BCCIP: variants seen among roughly 807,000 people sequenced by gnomAD.
BCCIP encodes the protein BRCA2 and CDKN1A interacting protein, also known as BRCA2 and CDKN1A-interacting protein.
Under a neutral mutation model 32.8 loss-of-function variants are expected in BCCIP, and 23 were observed. The ratio of observed to expected loss-of-function variants is 0.70; its 90% CI spans 0.51 to 0.99. The LOEUF (loss-of-function observed/expected upper bound fraction) is 0.99, where lower values mean the gene tolerates loss of function less well. Ranked by LOEUF, BCCIP falls within the 50% of genes least tolerant of loss-of-function variation. The pLI, the probability that BCCIP is intolerant of heterozygous loss-of-function variation, is 0.00. For missense variants in BCCIP, 378 were observed against 379.8 expected (o/e 1.00, Z 0.04); for synonymous variants, 144 against 137.6 (o/e 1.05, Z -0.33).
At chr10:125,845,468 T>C (rs1290568861), downstream of BCCIP, among the ~76,000 whole-genome samples, 1 of 152,220 alleles carries the variant, frequency 6.6e-6, no homozygotes. Flanking sequence ...CCTGGGAATA[T>C]GCATAGGAGA....
chr10:125,836,328 CAG>C lies in BCCIP; in HGVS notation c.*55_*56del. ...GTTTTTGTAAAATTACCAGAAAACT[CAG>C]TGGAGATTTACTGAAAAACTCAGAC... is the stretch of plus-strand genomic sequence containing the variant. On this transcript the variant is annotated 3_prime_UTR_variant, in exon 7 of 7. Transcript: ENST00000278100. The C allele has an allele frequency of 6.2e-7, 1 of 1,611,556 alleles. No homozygotes were observed. Among genetic ancestry groups the C allele is most frequent in the South Asian group, 1.1e-5 (1 of 90,680 alleles).
At chr10:125,838,194 C>T (rs574162506), downstream of BCCIP, 33 of 1,568,322 alleles carry the variant, frequency 2.1e-5, no homozygotes, top group South Asian at 3.4e-4. Context: ...CTTTCTTCTC[C>T]ATTAAACTTA....
In BCCIP at chr10:125,836,419, A is replaced by G; in HGVS notation, c.*145A>G. On this transcript the variant is annotated 3_prime_UTR_variant, in exon 7 of 7. Transcript: ENST00000278100. ...TGTCCCATGTGTCTCTGACACATTT[A>G]CAAAATACCAGTTTTTTAAAATTTT... 2 of 1,457,310 alleles carry G rather than the reference A, an allele frequency of 1.4e-6. No individual in the cohort carries two copies. Among genetic ancestry groups the G allele is most frequent in the Non-Finnish European group, 9.0e-7 (1 of 1,110,472 alleles). The allele number at this position is 1,457,310 out of a possible 1,614,324, so 90.3% of individuals were successfully genotyped here.
At chr10:125,850,302 T>C (rs1265206746) in intron 7 of BCCIP, among the ~76,000 whole-genome samples, 4 of 151,092 alleles carry the variant, frequency 2.6e-5, no homozygotes, top group Non-Finnish European at 4.4e-5. Flanking sequence ...ATTCCTCTTT[T>C]CACCAGAGCC....
chr10:125,843,314 A>T (rs1374654761), downstream of BCCIP, among the ~76,000 whole-genome samples: 1 of 152,190 alleles, frequency 6.6e-6, no homozygotes, highest in Non-Finnish European at 1.5e-5. Flanking sequence ...AACTTTGATC[A>T]TTAAGCTCTA....
intron 6 of BCCIP, among the ~76,000 whole-genome samples, chr10:125,835,787 A>C (rs1043880230): frequency 2.6e-5 from 4 of 152,216 alleles, no homozygotes; most frequent in African/African-American, 9.7e-5. Flanking sequence ...ATCAAATTTT[A>C]CAAGTCTTAA....
chr10:125,827,967 G>GAAAAAAAAAAAAAAAAAAAAAAAAAAAA (rs11296499), intron 3 of BCCIP, among the ~76,000 whole-genome samples: 1 of 62,306 alleles, frequency 1.6e-5, no homozygotes. Flanking sequence ...CCCTATATCT[G>GAAAAAAAAAAAAAAAAAAAAAAAAAAAA]AAAAAAAAAA....
exon 7 of BCCIP, chr10:125,842,687 A>C (rs974291584): frequency 2.8e-5 from 9 of 318,436 alleles, no homozygotes; most frequent in African/African-American, 1.8e-4. Flanking sequence ...GAAAAGCAGG[A>C]AAATACATTG....
At chr10:125,836,762 A>G (rs760722649), downstream of BCCIP, 12 of 1,613,734 alleles carry the variant, frequency 7.4e-6, no homozygotes, top group Admixed American at 3.3e-5. Flanking sequence ...TTGTTGACAC[A>G]GGGGATAGGT....
At chr10:125,837,202 G>C (rs1430564146), downstream of BCCIP, among the ~76,000 whole-genome samples, 1 of 152,184 alleles carries the variant, frequency 6.6e-6, no homozygotes, top group Non-Finnish European at 1.5e-5. Context: ...GTAGGGGAGA[G>C]AGGGGGTATC....
downstream of BCCIP, among the ~76,000 whole-genome samples, chr10:125,840,000 A>G (rs1202244131): frequency 1.3e-5 from 2 of 152,174 alleles, no homozygotes; most frequent in Non-Finnish European, 2.9e-5. Context: ...TTGAAACACT[A>G]ACTCCCTGTT....
chr10:125,844,154 G>C (rs1854950935), downstream of BCCIP, among the ~76,000 whole-genome samples: 2 of 152,186 alleles, frequency 1.3e-5, no homozygotes, highest in South Asian at 4.1e-4. Context: ...AAGTTCAAGA[G>C]TTCTATCAGT....
At chr10:125,836,999 G>A (rs1854711940), downstream of BCCIP, 2 of 685,898 alleles carry the variant, frequency 2.9e-6, no homozygotes, top group South Asian at 2.0e-5. Flanking sequence ...ATCTCAGTCC[G>A]ACTTTGTAAA....
downstream of BCCIP, among the ~76,000 whole-genome samples, chr10:125,843,727 C>G (rs1312059009): frequency 6.6e-6 from 1 of 152,214 alleles, no homozygotes; most frequent in Non-Finnish European, 1.5e-5. Context: ...CTCAGGGAAG[C>G]TGCGATGCAG....
intron 7 of BCCIP, chr10:125,852,180 C>T (rs1944099119): frequency 7.5e-7 from 1 of 1,338,560 alleles, no homozygotes; most frequent in African/African-American, 1.5e-5. Context: ...CAAACCAACG[C>T]CCCCTCCATG....
chr10:125,835,440 A>G (rs1008571028), intron 6 of BCCIP, among the ~76,000 whole-genome samples: 1 of 151,588 alleles, frequency 6.6e-6, no homozygotes, highest in Non-Finnish European at 1.5e-5. Context: ...TTAGCCAGGC[A>G]CAATGGTGGG....
At chr10:125,826,443 GT>G (rs1270044465) in intron 1 of BCCIP, 147 bp from the exon 2 acceptor site, 1 of 1,277,760 alleles carries the variant, frequency 7.8e-7, no homozygotes, top group African/African-American at 1.5e-5. Flanking sequence ...TGAGTGTTTT[GT>G]TTTCTCAGGC....
chr10:125,823,969 A>C (rs1447880989), intron 1 of BCCIP, among the ~76,000 whole-genome samples: 1 of 152,178 alleles, frequency 6.6e-6, no homozygotes, highest in Non-Finnish European at 1.5e-5. Context: ...AGCCCGCCAC[A>C]ACAGGTGTGT....
chr10:125,833,840 G>C lies in BCCIP; in HGVS notation c.668G>C (p.Ser223Thr), dbSNP rs776839312. The C allele has an allele frequency of 1.2e-6, 2 of 1,614,088 alleles. No individual in the cohort carries two copies. The highest frequency in any genetic ancestry group is 1.7e-6 in the Non-Finnish European group (2 of 1,180,044). ...AAGTGCTACTTTTACCTTCTGATTA[G>C]TAAGACATTTGTGGAAGCAGGAAAA... ...CGKCYFYLLI[S>T]KTFVEAGKNN... Residue 223 changes from serine (S) to threonine (T), a missense_variant, in exon 6 of 7, where the codon AGT (serine) becomes ACT (threonine). Transcript: ENST00000278100.
Sources: allele counts gnomAD v4.1 joint callset (sites outside exome capture counted in the v4.1 genomes callset), GRCh38; gene constraint gnomAD v4.1.1; transcripts MANE v1.5; gene names NCBI Gene and HGNC (gene_info 2026-07-23, HGNC 2026-07-21).